The following CEP44 variants were observed in gnomAD, a reference collection of about 807,000 sequenced individuals.
CEP44 encodes centrosomal protein 44.
CEP44 carries 45 observed loss-of-function variants against 46.7 expected under a neutral mutation model. That is an observed-to-expected ratio of 0.96 (90% CI 0.76 to 1.24). CEP44 has a LOEUF of 1.24. Ranked by LOEUF, CEP44 falls within the 50% of genes most tolerant of loss-of-function variation. The pLI, the probability that CEP44 is intolerant of heterozygous loss-of-function variation, is 0.00. For missense variants in CEP44, 475 were observed against 459.7 expected (o/e 1.03, Z -0.30); for synonymous variants, 142 against 146.0 (o/e 0.97, Z 0.20).
At position 174,304,235 on chromosome 4, in the gene CEP44, CT is replaced by C. The variant is rs201356224; in HGVS notation, c.385-3del. The C allele has an allele frequency of 4.3e-4, 663 of 1,534,880 alleles. No individual in the cohort carries two copies. The highest frequency in any genetic ancestry group is 1.8e-3 in the Admixed American group (81 of 45,658). ...CAAAATTTGTTATTTTGACTAATAC[CT>C]TTTTTTTTAGATTCCATCACAACAA... On this transcript the variant is annotated splice_polypyrimidine_tract_variant and intron_variant, in intron 5 of 11. Coordinates refer to ENST00000503780, the MANE Select transcript of CEP44 (RefSeq NM_001040157.3).
downstream of CEP44, among the ~76,000 whole-genome samples, chr4:174,324,525 C>G (rs1168730795): frequency 1.4e-4 from 22 of 152,192 alleles, no homozygotes; most frequent in Admixed American, 1.4e-3. Flanking sequence ...ATGAGAGTTT[C>G]AGTTGCTCAG....
rs964502919 is a variant in CEP44 at position 174,320,212 on chromosome 4, G to A, written c.*2829G>A. ...AGCATCAACTGTATGAAAATTCTAG[G>A]TAAAGCTAAGTACTATTGAGTTGGA... On this transcript the variant is annotated 3_prime_UTR_variant, in exon 12 of 12. Coordinates refer to ENST00000503780, the MANE Select transcript of CEP44 (RefSeq NM_001040157.3). 2.0e-5 allele frequency: 20 copies of A among 984,968 alleles called. No individual in the cohort carries two copies. In the African/African-American group the frequency reaches 3.5e-4, roughly 17 times the overall value. 61.0% of individuals were successfully genotyped at this position (984,968 alleles called of 1,614,324 possible).
chr4:174,285,277 C>A (rs1737453910), intron 1 of CEP44, among the ~76,000 whole-genome samples: 1 of 152,188 alleles, frequency 6.6e-6, no homozygotes, highest in African/African-American at 2.4e-5. Context: ...AGATTGGCTT[C>A]TTTTAATGTC....
At chr4:174,304,430 A>G in intron 6 of CEP44, 61 bp downstream of exon 6, 1 of 1,561,610 alleles carries the variant, frequency 6.4e-7, no homozygotes, top group Admixed American at 2.2e-5. Flanking sequence ...TCCAATATAC[A>G]GTTTTCACTT....
chr4:174,302,206 CA>C lies in CEP44; in HGVS notation c.237+22del, dbSNP rs1739807008. ...TATAAGGTATTTTGAGTTTATCAAA[CA>C]ATAACTATTAGTTATTGAATGATTT... On this transcript the variant is annotated intron_variant, in intron 4 of 11. Transcript: ENST00000503780. The C allele has an allele frequency of 1.3e-6, 2 of 1,503,590 alleles. No homozygotes were observed. Among genetic ancestry groups the C allele is most frequent in the Admixed American group, 2.0e-5 (1 of 50,064 alleles). The allele number at this position is 1,503,590 out of a possible 1,614,324, so 93.1% of individuals were successfully genotyped here.
At position 174,301,505 on chromosome 4, in the gene CEP44, A is replaced by G. The variant is rs186389298; in HGVS notation, c.90-534A>G. ...ACCTTTCTAGACTGGTGGAATTAAC[A>G]TAGGTAATAATATACGATTTAGAAG... On this transcript the variant is annotated intron_variant, in intron 3 of 11. Coordinates refer to ENST00000503780, the MANE Select transcript of CEP44 (RefSeq NM_001040157.3). This position sits in a 1 kb window ranked among gnomAD's most constrained non-coding sequence, Gnocchi z 4.3. Among the ~76,000 whole-genome samples the G allele has an allele frequency of 2.0e-4, 30 of 152,324 alleles. No individual in the cohort carries two copies. Among genetic ancestry groups the G allele is most frequent in the African/African-American group, 6.7e-4 (28 of 41,584 alleles).
At position 174,288,456 on chromosome 4, in the gene CEP44, C is replaced by T. The variant is rs1334173714; in HGVS notation, c.-148+4513C>T. Among the ~76,000 whole-genome samples, 1 of 152,124 alleles carries T rather than the reference C, an allele frequency of 6.6e-6. No homozygotes were observed. The highest frequency in any genetic ancestry group is 2.4e-5 in the African/African-American group (1 of 41,438). On this transcript the variant is annotated intron_variant, in intron 1 of 11. Coordinates refer to ENST00000503780, the MANE Select transcript of CEP44 (RefSeq NM_001040157.3). The surrounding 1 kb of genome is among the most constrained non-coding windows in gnomAD (Gnocchi z 4.6). ...TTGTTCTCCCCATGTTCCCTTACAA[C>T]CACCATTCTATTCTCTGCTTGCATG...
In CEP44 at chr4:174,319,321, A is replaced by T; in HGVS notation, c.*1938A>T. On this transcript the variant is annotated 3_prime_UTR_variant, in exon 12 of 12. Transcript: ENST00000503780. ...TATAAGGGAAAAAACTTCTGTATCG[A>T]TTAACTCCTAAAATATCAGTACCAG... is the stretch of plus-strand genomic sequence containing the variant. 4.1e-6 allele frequency: 4 copies of T among 982,466 alleles called. No individual in the cohort carries two copies. In the East Asian group the frequency reaches 4.5e-4, roughly 112 times the overall value. 60.9% of individuals were successfully genotyped at this position (982,466 alleles called of 1,614,324 possible). A position where few individuals can be genotyped will look rare whatever the true frequency, so the allele number is the denominator to read the frequency against.
At chr4:174,294,759 ACC>A (rs1296108146) in intron 1 of CEP44, among the ~76,000 whole-genome samples, 1 of 104,134 alleles carries the variant, frequency 9.6e-6, no homozygotes, top group South Asian at 3.7e-4. Flanking sequence ...CGGGGGGCTG[ACC>A]CCCCCACCTC....
Position 174,297,124 on chromosome 4 carries a change from A to G in CEP44, c.-147-842A>G, listed in dbSNP as rs1375166287. Among the ~76,000 whole-genome samples, 1 of 152,094 alleles carries G rather than the reference A, an allele frequency of 6.6e-6. No individual in the cohort carries two copies. Among genetic ancestry groups the G allele is most frequent in the Non-Finnish European group, 1.5e-5 (1 of 68,004 alleles). On this transcript the variant is annotated intron_variant, in intron 1 of 11. Transcript: ENST00000503780. This position sits in a 1 kb window ranked among gnomAD's most constrained non-coding sequence, Gnocchi z 4.3. ...AAACAAAATGGATTTCTTATAGACA[A>G]CATGTAGTTAGATCTTATTTTTGAT...
chr4:174,306,521 G>A (rs112659173), intron 6 of CEP44, among the ~76,000 whole-genome samples: 2,270 of 151,846 alleles, frequency 0.015, 19 homozygotes, highest in Non-Finnish European at 0.026. Flanking sequence ...ATATTTCAGC[G>A]CTTGTCCTAA....
At chr4:174,307,232 C>T (rs771617066) in intron 6 of CEP44, among the ~76,000 whole-genome samples, 1 of 152,064 alleles carries the variant, frequency 6.6e-6, no homozygotes, top group Non-Finnish European at 1.5e-5. Context: ...CTACAGTAAC[C>T]AAAACATCAT....
chr4:174,296,064 C>T (rs867689602), intron 1 of CEP44, among the ~76,000 whole-genome samples: 8 of 152,274 alleles, frequency 5.3e-5, no homozygotes, highest in Middle Eastern at 3.4e-3. Context: ...TGATACCTTG[C>T]TTTAGTATAG....
chr4:174,294,963 G>A (rs1194325462), intron 1 of CEP44, among the ~76,000 whole-genome samples: 5 of 137,854 alleles, frequency 3.6e-5, no homozygotes, highest in East Asian at 2.2e-4. Context: ...TGGACGGGAC[G>A]GCTGGCCGGG....
In CEP44 at chr4:174,308,760, A is replaced by G. The variant is rs75476714; in HGVS notation, c.579A>G (p.Pro193=). 9.0e-4 allele frequency: 1,448 copies of G among 1,613,378 alleles called. 16 individuals carry two copies. In the East Asian group the frequency reaches 0.024, roughly 27 times the overall value. ...NVDISEDTLS[P]ITDVNEAVDV... ...ACATTTCTGAGGATACATTAAGTCC[A>G]ATAACAGATGTTAATGAAGCAGTTG... Residue 193 remains proline, a synonymous_variant, in exon 7 of 12, where the codon CCA becomes CCG. Coordinates refer to ENST00000503780, the MANE Select transcript of CEP44 (RefSeq NM_001040157.3).
chr4:174,318,735 A>T lies in CEP44; in HGVS notation c.*1352A>T. The T allele has an allele frequency of 2.5e-6, 2 of 785,096 alleles. No homozygotes were observed. The highest frequency in any genetic ancestry group is 3.1e-6 in the Non-Finnish European group (2 of 648,654). The allele number at this position is 785,096 out of a possible 1,614,324, so 48.6% of individuals were successfully genotyped here. ...TGTTATATGAGTAGAAATCACTTAA[A>T]TTTTTTTTGTGTTTGTGAATTTGAA... is the stretch of plus-strand genomic sequence containing the variant. On this transcript the variant is annotated 3_prime_UTR_variant, in exon 12 of 12. Transcript: ENST00000503780.
intron 5 of CEP44, 113 bp downstream of exon 5, chr4:174,303,962 G>A (rs1316400172): frequency 2.6e-6 from 2 of 768,198 alleles, no homozygotes; most frequent in East Asian, 5.7e-5. Context: ...TGTAATTACT[G>A]TATTATTCAA....
At chr4:174,295,320 G>A (rs1382787257) in intron 1 of CEP44, among the ~76,000 whole-genome samples, 4 of 151,414 alleles carry the variant, frequency 2.6e-5, no homozygotes, top group South Asian at 2.1e-4. Context: ...GGTCGCGGCC[G>A]GGTAGAGGTG....
At position 174,302,178 on chromosome 4, in the gene CEP44, G is replaced by C. The variant is rs759691071; in HGVS notation, c.229G>C (p.Val77Leu). 6.3e-7 allele frequency: 1 copy of C among 1,579,312 alleles called. No individual in the cohort carries two copies. Among genetic ancestry groups the C allele is most frequent in the East Asian group, 2.2e-5 (1 of 44,466 alleles). ...AAATGACTTGCGCTTTATAGATGCT[G>C]TCTATAAGGTATTTTGAGTTTATCA... is the stretch of plus-strand genomic sequence containing the variant. ...AKNDLRFIDA[V>L]YKLLRDQFNY... The change falls in exon 4 of 12, where the codon GTC becomes CTC. Residue 77 changes from valine to leucine, a missense_variant. Val to Leu is a conservative substitution (Grantham distance 32). Coordinates refer to ENST00000503780, the MANE Select transcript of CEP44 (RefSeq NM_001040157.3).
Sources: allele counts gnomAD v4.1 joint callset (sites outside exome capture counted in the v4.1 genomes callset), GRCh38; gene constraint gnomAD v4.1.1; non-coding constraint Gnocchi (gnomAD v3.1); transcripts MANE v1.5; gene names NCBI Gene and HGNC (gene_info 2026-07-23, HGNC 2026-07-21).